The following KCNH5 variants were observed in gnomAD, a reference collection of about 807,000 sequenced individuals.
KCNH5 encodes voltage-gated delayed rectifier potassium channel KCNH5.
KCNH5 carries 46 observed loss-of-function variants against 96.1 expected under a neutral mutation model. The ratio of observed to expected loss-of-function variants is 0.48; its 90% CI spans 0.38 to 0.61. The LOEUF is 0.61. Ranked by LOEUF, KCNH5 falls within the 20% of genes least tolerant of loss-of-function variation. KCNH5 has a pLI of 0.00. For synonymous variants in KCNH5, 439 were observed against 449.8 expected, an observed-to-expected ratio of 0.98 and a Z score of 0.30; for missense variants, 907 against 1,225.8, an observed-to-expected ratio of 0.74 and a Z score of 3.88.
chr14:62,809,534 A>C (rs144492822), intron 8 of KCNH5, among the ~76,000 whole-genome samples: 1,697 of 152,196 alleles, frequency 0.011, 29 homozygotes, highest in African/African-American at 0.039. Context: ...AAAGGAGAGG[A>C]ATTTACTCAA....
intron 10 of KCNH5, among the ~76,000 whole-genome samples, chr14:62,738,275 C>T (rs919767383): frequency 1.2e-4 from 18 of 152,072 alleles, no homozygotes; most frequent in African/African-American, 4.3e-4. Context: ...CTCAGAACAA[C>T]CCACAATTTA....
intron 7 of KCNH5, among the ~76,000 whole-genome samples, chr14:62,901,310 G>C (rs1051015941): frequency 6.6e-6 from 1 of 151,742 alleles, no homozygotes; most frequent in South Asian, 2.1e-4. Context: ...GAGGTGTAGG[G>C]TGTGACTGAT....
chr14:62,764,754 C>T (rs953292978), intron 10 of KCNH5, among the ~76,000 whole-genome samples: 1 of 152,102 alleles, frequency 6.6e-6, no homozygotes, highest in Non-Finnish European at 1.5e-5. Flanking sequence ...ATCAAGAATG[C>T]AATCCCACTG....
intron 7 of KCNH5, among the ~76,000 whole-genome samples, chr14:62,903,851 A>G (rs974307854): frequency 1.1e-4 from 17 of 152,184 alleles, no homozygotes; most frequent in African/African-American, 3.9e-4. Flanking sequence ...ATGCTATTAC[A>G]GTTTTAATAC....
At chr14:62,971,961 T>C (rs566898041) in intron 6 of KCNH5, among the ~76,000 whole-genome samples, 1 of 152,258 alleles carries the variant, frequency 6.6e-6, no homozygotes, top group South Asian at 2.1e-4. Flanking sequence ...ACTTTATAGA[T>C]ACAACACCAA....
In KCNH5 at chr14:62,700,850, C is replaced by T. The variant is rs533574448; in HGVS notation, c.*6658G>A. 6.6e-6 allele frequency: 1 copy of T among 152,224 alleles called. No individual in the cohort carries two copies. The highest frequency in any genetic ancestry group is 2.1e-4 in the South Asian group (1 of 4,822). The allele number at this position is 152,224 out of a possible 1,614,324, so 9.4% of individuals were successfully genotyped here. A position where few individuals can be genotyped will look rare whatever the true frequency, so the allele number is the denominator to read the frequency against. On this transcript the variant is annotated 3_prime_UTR_variant, in exon 11 of 11. Coordinates refer to ENST00000322893, the MANE Select transcript of KCNH5 (RefSeq NM_139318.5). Reference sequence around the variant, plus strand: ...CAATGGTTCTAGGAACAACAATAATCTTTATGTTGCTTTTTGCCAAAGTCC... The same window carrying T: ...CAATGGTTCTAGGAACAACAATAATTTTTATGTTGCTTTTTGCCAAAGTCC...
Position 63,006,465 on chromosome 14 carries a change from A to G in KCNH5, c.205T>C (p.Tyr69His), listed in dbSNP as rs770541761. 5.7e-6 allele frequency: 9 copies of G among 1,591,916 alleles called. No individual in the cohort carries two copies. The highest frequency in any genetic ancestry group is 1.3e-5 in the African/African-American group (1 of 74,298). ...GTCTTCTTGTCAGTCAATTCCCCAT[A>G]CATAAAACTGGGGGGGAAAAAAAAC... ...MQKSSTCSFM[Y>H]GELTDKKTIE... The change falls in exon 3 of 11, where the codon TAT becomes CAT. Residue 69 changes from tyrosine (Y) to histidine (H), a missense_variant. Transcript: ENST00000322893.
chr14:63,045,063 G>A (rs753988806), intron 1 of KCNH5, 51 bp downstream of exon 1: 7 of 1,369,568 alleles, frequency 5.1e-6, no homozygotes, highest in East Asian at 4.6e-5. Context: ...GATGGGGGGC[G>A]CGTGTGGGCG....
chr14:62,839,393 G>A (rs1566677665), intron 8 of KCNH5, among the ~76,000 whole-genome samples: 1 of 152,128 alleles, frequency 6.6e-6, no homozygotes, highest in Non-Finnish European at 1.5e-5. Flanking sequence ...AGTAGTGGGA[G>A]TAAAGCTATA....
intron 10 of KCNH5, among the ~76,000 whole-genome samples, chr14:62,767,867 A>G (rs893657586): frequency 6.6e-6 from 1 of 152,232 alleles, no homozygotes; most frequent in Non-Finnish European, 1.5e-5. Context: ...ATGGAATACC[A>G]TTCAGCCATT....
intron 7 of KCNH5, among the ~76,000 whole-genome samples, chr14:62,874,338 T>C (rs1888324560): frequency 6.6e-6 from 1 of 152,066 alleles, no homozygotes; most frequent in Admixed American, 6.6e-5. Context: ...AAGAAGACAT[T>C]TATGCAGCAA....
rs374147384 is a variant in KCNH5, at chr14:62,948,090, T to A, written c.1369+2043A>T. ...AGAATATGCGGTGTTTGGTTTTTTG[T>A]TCTTGCGATAGTTTACTGAGAATGA... On this transcript the variant is annotated intron_variant, in intron 7 of 10. Transcript: ENST00000322893. Among the ~76,000 whole-genome samples, 55 of 152,174 alleles carry A rather than the reference T, an allele frequency of 3.6e-4. 1 individual carries two copies. In the East Asian group the frequency reaches 8.3e-3, roughly 23 times the overall value.
At chr14:62,907,951 G>A (rs7156354) in intron 7 of KCNH5, among the ~76,000 whole-genome samples, 74,309 of 151,904 alleles carry the variant, frequency 0.49, 18,559 homozygotes, top group South Asian at 0.67. Context: ...CCACAATGAC[G>A]TCTTCAAAAT....
intron 7 of KCNH5, among the ~76,000 whole-genome samples, chr14:62,854,936 T>C (rs2140051422): frequency 6.7e-6 from 1 of 150,254 alleles, no homozygotes; most frequent in South Asian, 2.2e-4. Flanking sequence ...AGGCAAGGTC[T>C]ATATTCTGAT....
At chr14:62,797,157 T>C (rs1382395459) in intron 9 of KCNH5, among the ~76,000 whole-genome samples, 1 of 152,142 alleles carries the variant, frequency 6.6e-6, no homozygotes, top group Non-Finnish European at 1.5e-5. Context: ...ATAGGATAAA[T>C]TAGTTTTGAA....
intron 1 of KCNH5, among the ~76,000 whole-genome samples, chr14:63,020,770 TG>T (rs1351530347): frequency 6.6e-6 from 1 of 152,166 alleles, no homozygotes; most frequent in Non-Finnish European, 1.5e-5. Context: ...AGTTAAGATC[TG>T]GGCATTTTGC....
In KCNH5 at chr14:62,950,382, C is replaced by T. The variant is rs1889977806; in HGVS notation, c.1120G>A (p.Glu374Lys). The T allele has an allele frequency of 1.9e-6, 3 of 1,613,964 alleles. No individual in the cohort carries two copies. Among genetic ancestry groups the T allele is most frequent in the Non-Finnish European group, 2.5e-6 (3 of 1,179,968 alleles). Reference protein sequence around the residue: ...ACIWYSIGDYEVIDEVTNTIQ... With the variant: ...ACIWYSIGDYKVIDEVTNTIQ... ...GTGTTAGTGACTTCATCAATGACCT[C>T]GTAGTCTCCGATGCTATACCATATG... Residue 374 changes from glutamate (E) to lysine (K), a missense_variant, in exon 7 of 11, where the codon GAG (glutamate) becomes AAG (lysine). Coordinates refer to ENST00000322893, the MANE Select transcript of KCNH5 (RefSeq NM_139318.5).
chr14:63,022,693 T>C (rs10129513), intron 1 of KCNH5, among the ~76,000 whole-genome samples: 31,195 of 151,988 alleles, frequency 0.21, 3,770 homozygotes, highest in East Asian at 0.37. Context: ...ATAAGGACTT[T>C]TTATTTGCCA....
chr14:63,031,888 C>A (rs115830181), intron 1 of KCNH5, among the ~76,000 whole-genome samples: 2 of 151,552 alleles, frequency 1.3e-5, no homozygotes, highest in Non-Finnish European at 2.9e-5. Flanking sequence ...ATTTTTAAGA[C>A]GTGTAGAAAA....
Sources: allele counts gnomAD v4.1 joint callset (sites outside exome capture counted in the v4.1 genomes callset), GRCh38; gene constraint gnomAD v4.1.1; transcripts MANE v1.5; gene names NCBI Gene and HGNC (gene_info 2026-07-23, HGNC 2026-07-21).